The following TTC7B variants were observed in gnomAD, a reference collection of about 807,000 sequenced individuals.
TTC7B encodes tetratricopeptide repeat protein 7B.
TTC7B carries 28 observed loss-of-function variants against 106.8 expected under a neutral mutation model. The ratio of observed to expected loss-of-function variants is 0.26; its 90% CI spans 0.19 to 0.36. The LOEUF (loss-of-function observed/expected upper bound fraction) is 0.36. Ranked by LOEUF, TTC7B falls within the 10% of genes least tolerant of loss-of-function variation. TTC7B has a pLI of 1.00. For missense variants in TTC7B, 862 were observed against 1,076.4 expected (o/e 0.80, Z 2.79); for synonymous variants, 405 against 430.6 (o/e 0.94, Z 0.74).
chr14:90,728,759 G>C lies in TTC7B; in HGVS notation c.698+1316C>G, dbSNP rs369658743. ...ATGGTACCCCTGGGACCTCCAGGGG[G>C]ATTAATTCCCGGGTCCGGACCTCCA... On this transcript the variant is annotated intron_variant, in intron 5 of 19. Coordinates refer to ENST00000328459, the MANE Select transcript of TTC7B (RefSeq NM_001010854.2). Among the ~76,000 whole-genome samples the C allele has an allele frequency of 4.9e-4, 75 of 152,312 alleles. 1 individual carries two copies. The highest frequency in any genetic ancestry group is 1.8e-3 in the African/African-American group (75 of 41,564).
intron 1 of TTC7B, among the ~76,000 whole-genome samples, chr14:90,801,781 C>A (rs997697838): frequency 1.1e-4 from 17 of 152,108 alleles, no homozygotes; most frequent in African/African-American, 4.1e-4. Flanking sequence ...GAGCGCCGGG[C>A]ACGGTGGCTC....
rs1370961833 is a variant in TTC7B at position 90,608,643 on chromosome 14, A to G, written c.1966+2099T>C. Among the ~76,000 whole-genome samples the G allele has an allele frequency of 6.6e-6, 1 of 152,168 alleles. No individual in the cohort carries two copies. The highest frequency in any genetic ancestry group is 1.5e-5 in the Non-Finnish European group (1 of 68,034). ...CCGGGGGCCAGGCCCAACCCAGGGC[A>G]GTGACACCGCAGACTGTGTCACACA... is the stretch of plus-strand genomic sequence containing the variant. On this transcript the variant is annotated intron_variant, in intron 17 of 19. Transcript: ENST00000328459. The surrounding 1 kb of genome is among the most constrained non-coding windows in gnomAD (Gnocchi z 5.1).
At chr14:90,743,076 T>TCTTTAAAG (rs1297639776) in intron 4 of TTC7B, among the ~76,000 whole-genome samples, 1 of 152,262 alleles carries the variant, frequency 6.6e-6, no homozygotes, top group Non-Finnish European at 1.5e-5. Context: ...GGAGCCTGGA[T>TCTTTAAAG]GATCATTCCT....
rs1444540548 is a variant in TTC7B, at chr14:90,541,581, G to C, written c.2319C>G (p.Ile773Met). ...GACTGTAGCGGCCTAGCTGGTGAAG[G>C]ATCAGGGCCTGGAGAGGTCAGAGAG... ...HVKSMQRLAL[I>M]LHQLGRYSLA... Residue 773 changes from isoleucine to methionine, a missense_variant, in exon 20 of 20, where the codon ATC becomes ATG. Ile to Met is a conservative substitution (Grantham distance 10, BLOSUM62 1). Transcript: ENST00000328459. The C allele has an allele frequency of 1.3e-6, 2 of 1,594,624 alleles. No homozygotes were observed. The highest frequency in any genetic ancestry group is 1.7e-5 in the Admixed American group (1 of 59,342).
At chr14:90,660,970 G>C (rs889662873) in intron 9 of TTC7B, among the ~76,000 whole-genome samples, 1 of 152,228 alleles carries the variant, frequency 6.6e-6, no homozygotes, top group Non-Finnish European at 1.5e-5. Flanking sequence ...CCTACGCCAT[G>C]GGACATCGGC....
intron 6 of TTC7B, among the ~76,000 whole-genome samples, 186 bp from the exon 7 acceptor site, chr14:90,689,898 T>C (rs1447024533): frequency 1.3e-5 from 2 of 152,196 alleles, no homozygotes; most frequent in Non-Finnish European, 2.9e-5. Context: ...GAAAATATGA[T>C]TCACTAAGAT....
intron 1 of TTC7B, among the ~76,000 whole-genome samples, chr14:90,800,109 GGCGTGA>G (rs757390811): frequency 2.6e-5 from 4 of 152,204 alleles, no homozygotes; most frequent in Non-Finnish European, 5.9e-5. Context: ...TGGGATTACA[GGCGTGA>G]GCCACCACGC....
chr14:90,611,727 C>T (rs937529125), intron 16 of TTC7B, among the ~76,000 whole-genome samples: 6 of 152,168 alleles, frequency 3.9e-5, no homozygotes, highest in African/African-American at 9.7e-5. Context: ...TAAAGCCACA[C>T]GGAAACCACA....
rs771815001 is a variant in TTC7B, at chr14:90,657,328, C to T, written c.1237-50G>A. On this transcript the variant is annotated intron_variant, in intron 10 of 19. Transcript: ENST00000328459. This position sits in a 1 kb window ranked among gnomAD's most constrained non-coding sequence, Gnocchi z 4.2. Reference sequence around the variant, plus strand: ...TGAAACTCAAAGTGTTTGACAGAACCGAATACTACAGCCTTCTCAGAGGGG... The same window carrying T: ...TGAAACTCAAAGTGTTTGACAGAACTGAATACTACAGCCTTCTCAGAGGGG... 4.5e-6 allele frequency: 7 copies of T among 1,572,710 alleles called. No individual in the cohort carries two copies. Among genetic ancestry groups the T allele is most frequent in the Admixed American group, 1.7e-5 (1 of 59,232 alleles).
intron 1 of TTC7B, among the ~76,000 whole-genome samples, chr14:90,800,066 T>G (rs1352271924): frequency 6.6e-6 from 1 of 152,052 alleles, no homozygotes; most frequent in Admixed American, 6.5e-5. Flanking sequence ...TCTCCTGACC[T>G]CGTGATCCAC....
At chr14:90,732,627 C>G (rs866848909) in intron 4 of TTC7B, among the ~76,000 whole-genome samples, 2 of 152,298 alleles carry the variant, frequency 1.3e-5, no homozygotes, top group Non-Finnish European at 1.5e-5. Context: ...ATCCAACTGC[C>G]TCGGCCTGCC....
At chr14:90,568,234 C>T (rs937137264) in intron 19 of TTC7B, among the ~76,000 whole-genome samples, 1 of 152,102 alleles carries the variant, frequency 6.6e-6, no homozygotes, top group Admixed American at 6.6e-5. Context: ...GAGCGGGAAT[C>T]GGGACCAGAA....
Position 90,525,025 on chromosome 14 carries a change from A to G in TTC7B, c.*16343T>C, listed in dbSNP as rs535606827. The G allele has an allele frequency of 4.6e-5, 7 of 152,324 alleles. No individual in the cohort carries two copies. Among genetic ancestry groups the G allele is most frequent in the African/African-American group, 1.7e-4 (7 of 41,568 alleles). The allele number at this position is 152,324 out of a possible 1,614,324, so 9.4% of individuals were successfully genotyped here. A position where few individuals can be genotyped will look rare whatever the true frequency, so the allele number is the denominator to read the frequency against. ...ATCTATCCATGAAGCCATCGCCACT[A>G]TTAAGAGAGGGATCATATCCATCAC... is the stretch of plus-strand genomic sequence containing the variant. On this transcript the variant is annotated 3_prime_UTR_variant, in exon 20 of 20. Coordinates refer to ENST00000328459, the MANE Select transcript of TTC7B (RefSeq NM_001010854.2).
In TTC7B at chr14:90,816,421, A is replaced by G. The variant is rs2031195952; in HGVS notation, c.-126T>C. ...GCTCCCGGCTCCGCGGCGTAACGGG[A>G]GCGCCGGCTGGGGAAGGGGCGGGGA... On this transcript the variant is annotated 5_prime_UTR_variant, in exon 1 of 20. Transcript: ENST00000328459. The G allele has an allele frequency of 2.3e-6, 1 of 430,066 alleles. No individual in the cohort carries two copies. The highest frequency in any genetic ancestry group is 3.0e-6 in the Non-Finnish European group (1 of 328,970). The allele number at this position is 430,066 out of a possible 1,614,324, so 26.6% of individuals were successfully genotyped here. A position where few individuals can be genotyped will look rare whatever the true frequency, so the allele number is the denominator to read the frequency against.
chr14:90,652,452 C>T (rs900649071), intron 13 of TTC7B, among the ~76,000 whole-genome samples: 1 of 148,072 alleles, frequency 6.8e-6, no homozygotes, highest in East Asian at 2.0e-4. Context: ...CTTCTCATTC[C>T]TTTATACAAA....
At chr14:90,594,159 C>A (rs185473301) in intron 17 of TTC7B, among the ~76,000 whole-genome samples, 37 of 152,242 alleles carry the variant, frequency 2.4e-4, no homozygotes, top group African/African-American at 8.7e-4. Context: ...TATTCTAAGG[C>A]ATGACTTAAA....
intron 18 of TTC7B, among the ~76,000 whole-genome samples, chr14:90,584,538 G>C (rs1891636920): frequency 6.6e-6 from 1 of 152,184 alleles, no homozygotes. Context: ...TCCTCCACTA[G>C]CCAAGGCTGC....
In TTC7B at chr14:90,593,646, AG is replaced by A; in HGVS notation, c.1967-21del. The A allele has an allele frequency of 6.4e-7, 1 of 1,567,126 alleles. No individual in the cohort carries two copies. Among genetic ancestry groups the A allele is most frequent in the African/African-American group, 1.4e-5 (1 of 73,814 alleles). The stretch of plus-strand genomic sequence containing the variant: ...CGGAGCCTGTGAGAGGTTTTTGAGA[AG>A]ACTCTATCAGGAGCGAAAGAACAGA... On this transcript the variant is annotated intron_variant, in intron 17 of 19. Coordinates refer to ENST00000328459, the MANE Select transcript of TTC7B (RefSeq NM_001010854.2).
intron 15 of TTC7B, among the ~76,000 whole-genome samples, chr14:90,637,330 A>G (rs2139872317): frequency 6.6e-6 from 1 of 152,280 alleles, no homozygotes; most frequent in South Asian, 2.1e-4. Context: ...AGCTTAATAA[A>G]AAAAAAGAAA....
Sources: gnomAD v4.1 joint callset for allele counts (sites outside exome capture counted in the v4.1 genomes callset) on GRCh38, gnomAD v4.1.1 for gene constraint, Gnocchi (gnomAD v3.1) non-coding constraint, MANE v1.5 for transcripts, NCBI Gene and HGNC (gene_info 2026-07-23, HGNC 2026-07-21) for gene names.